RORA: variants seen among roughly 807,000 people sequenced by gnomAD.
The protein encoded by RORA is nuclear receptor ROR-alpha.
Under a neutral mutation model 69.5 loss-of-function variants are expected in RORA, and 7 were observed. The observed-to-expected ratio is 0.10, with a 90% CI of 0.06 to 0.19. The LOEUF is 0.19. RORA is among the 10% of genes least tolerant of loss of function. The pLI is 1.00. For synonymous variants in RORA, 261 were observed against 240.8 expected (o/e 1.08, Z -0.78); for missense variants, 457 against 663.0 (o/e 0.69, Z 3.41).
rs2073417094 is a variant in RORA at position 60,859,646 on chromosome 15, TC to T, written c.167-180961del. 4.7e-5 allele frequency among the ~76,000 whole-genome samples: 4 copies of T among 85,648 alleles called. No homozygotes were observed. The South Asian group carries it at 1.8e-3, about 38-fold the overall frequency. The allele number at this position is 85,648 out of a possible 152,430, so 56.2% of individuals were successfully genotyped here. On this transcript the variant is annotated intron_variant, in intron 1 of 10. Coordinates refer to ENST00000335670, the MANE Select transcript of RORA (RefSeq NM_134261.3). ...CCCGGGTTTTTTTTCTTTCTTTCTT[TC>T]TTTCTTTCTTTTTTTTTTTTTTTTA...
chr15:60,581,892 G>C lies in RORA; in HGVS notation c.197-50041C>G, dbSNP rs540588991. The stretch of plus-strand genomic sequence containing the variant: ...TATAAAATAAGATGGCATCACAAGA[G>C]ATACATTGTTTCTGCTTGCTAATAA... On this transcript the variant is annotated intron_variant, in intron 2 of 10. Coordinates refer to ENST00000335670, the MANE Select transcript of RORA (RefSeq NM_134261.3). 3.3e-5 allele frequency among the ~76,000 whole-genome samples: 5 copies of C among 152,280 alleles called. No individual in the cohort carries two copies. The East Asian group carries it at 9.6e-4, about 29-fold the overall frequency.
intron 2 of RORA, among the ~76,000 whole-genome samples, chr15:60,585,972 C>T (rs1030899013): frequency 1.3e-5 from 2 of 152,206 alleles, no homozygotes; most frequent in Non-Finnish European, 2.9e-5. Flanking sequence ...GTGCAAGTAA[C>T]CACTAGAGGG....
Position 60,497,613 on chromosome 15 carries a change from A to G in RORA, c.1414T>C (p.Cys472Arg), listed in dbSNP as rs758319679. 6.2e-7 allele frequency: 1 copy of G among 1,610,544 alleles called. No homozygotes were observed. The highest frequency in any genetic ancestry group is 8.5e-7 in the Non-Finnish European group (1 of 1,176,734). Residue 472 changes from cysteine (C) to arginine (R), a missense_variant, in exon 11 of 11, where the codon TGC (cysteine) becomes CGC (arginine). Cys to Arg is a radical substitution (Grantham distance 180). Transcript: ENST00000335670. ...REDGILTKLI[C>R]KVSTLRALCG... Reference sequence around the variant, plus strand: ...AAGGCTCTTAAGGTAGACACCTTGCATATTAACTGTAAGTGAAAGAAAGGA... The same window carrying G: ...AAGGCTCTTAAGGTAGACACCTTGCGTATTAACTGTAAGTGAAAGAAAGGA...
rs145613176 is a variant in RORA at position 61,127,700 on chromosome 15, C to A, written c.166+101353G>T. On this transcript the variant is annotated intron_variant, in intron 1 of 10. Transcript: ENST00000335670. ...GTTGATTTTCTTTAATTTGACAGAA[C>A]ATTTCAACAGCAGAACTCAGGCTTC... Among the ~76,000 whole-genome samples, 901 of 152,282 alleles carry A rather than the reference C, an allele frequency of 5.9e-3. 8 individuals carry two copies. The highest frequency in any genetic ancestry group is 0.021 in the African/African-American group (853 of 41,544).
chr15:60,946,706 G>C (rs536977890), intron 1 of RORA, among the ~76,000 whole-genome samples: 2 of 151,694 alleles, frequency 1.3e-5, no homozygotes. Context: ...TGGGAAGTGA[G>C]GAGCGTCTCT....
intron 1 of RORA, among the ~76,000 whole-genome samples, chr15:60,726,512 G>A (rs535610712): frequency 4.1e-4 from 63 of 152,312 alleles, no homozygotes; most frequent in African/African-American, 1.5e-3. Flanking sequence ...TCCAGCTTAC[G>A]TGAAAGCCAG....
chr15:60,975,219 C>T (rs1434182515), intron 1 of RORA, among the ~76,000 whole-genome samples: 1 of 152,052 alleles, frequency 6.6e-6, no homozygotes, highest in Non-Finnish European at 1.5e-5. Flanking sequence ...GGGAGCAAGT[C>T]GCCTGGGCAG....
chr15:61,034,142 T>G (rs187960123), intron 1 of RORA, among the ~76,000 whole-genome samples: 121 of 152,320 alleles, frequency 7.9e-4, no homozygotes, highest in African/African-American at 2.7e-3. Flanking sequence ...CTGTTAAAGT[T>G]CTGTATCATA....
intron 1 of RORA, among the ~76,000 whole-genome samples, chr15:60,999,806 C>T (rs779696909): frequency 6.6e-6 from 1 of 152,166 alleles, no homozygotes; most frequent in African/African-American, 2.4e-5. Context: ...AAAGTTGACC[C>T]CACCCGTTCT....
At chr15:60,838,710 A>ATT (rs2073152143) in intron 1 of RORA, among the ~76,000 whole-genome samples, 4 of 152,282 alleles carry the variant, frequency 2.6e-5, no homozygotes, top group Admixed American at 6.5e-5. Context: ...TCCAGGGCAC[A>ATT]TGGTTTAACC....
chr15:61,134,619 A>G (rs2079219910), intron 1 of RORA, among the ~76,000 whole-genome samples: 1 of 152,216 alleles, frequency 6.6e-6, no homozygotes, highest in Admixed American at 6.5e-5. Context: ...AAACTATGCA[A>G]TGGTCCAATG....
chr15:60,799,494 G>A (rs995532120), intron 1 of RORA, among the ~76,000 whole-genome samples: 3 of 152,068 alleles, frequency 2.0e-5, no homozygotes, highest in African/African-American at 7.2e-5. Context: ...GTTAGATGTT[G>A]ATACACATCC....
chr15:61,194,558 C>G (rs1409115429), intron 1 of RORA, among the ~76,000 whole-genome samples: 1 of 104,538 alleles, frequency 9.6e-6, no homozygotes, highest in Non-Finnish European at 2.2e-5. Flanking sequence ...AAAAAAAAAG[C>G]TGTAACACTT....
Position 61,168,210 on chromosome 15 carries a change from G to A in RORA, c.166+60843C>T, listed in dbSNP as rs188049131. ...TATACACATATATACACGCGCGTGC[G>A]TGCGTGCGTGTGTGTGTGTGTGTGT... On this transcript the variant is annotated intron_variant, in intron 1 of 10. Coordinates refer to ENST00000335670, the MANE Select transcript of RORA (RefSeq NM_134261.3). Among the ~76,000 whole-genome samples, 27 of 146,440 alleles carry A rather than the reference G, an allele frequency of 1.8e-4. 1 individual carries two copies. The highest frequency in any genetic ancestry group is 3.9e-4 in the East Asian group (2 of 5,152).
In RORA at chr15:61,080,807, G is replaced by A. The variant is rs114435240; in HGVS notation, c.166+148246C>T. On this transcript the variant is annotated intron_variant, in intron 1 of 10. Transcript: ENST00000335670. Reference sequence around the variant, plus strand: ...ATACCAACGACTGGCATAAATAAACGAGGAAAGAATTCAGGTCGGCCCAAT... The same window carrying A: ...ATACCAACGACTGGCATAAATAAACAAGGAAAGAATTCAGGTCGGCCCAAT... Among the ~76,000 whole-genome samples, 582 of 152,280 alleles carry A rather than the reference G, an allele frequency of 3.8e-3. 4 individuals are homozygous for A. The highest frequency in any genetic ancestry group is 0.013 in the African/African-American group (525 of 41,552).
chr15:60,801,994 C>T (rs904382058), intron 1 of RORA, among the ~76,000 whole-genome samples: 2 of 152,122 alleles, frequency 1.3e-5, no homozygotes, highest in Admixed American at 1.3e-4. Flanking sequence ...AAAATGATGG[C>T]TGAGAGAGGG....
At chr15:60,800,226 T>C (rs1567195770) in intron 1 of RORA, among the ~76,000 whole-genome samples, 1 of 152,188 alleles carries the variant, frequency 6.6e-6, no homozygotes, top group African/African-American at 2.4e-5. Flanking sequence ...AGCACACTAC[T>C]GATACAAATA....
chr15:60,899,583 G>C (rs1452359559), intron 1 of RORA, among the ~76,000 whole-genome samples: 1 of 152,214 alleles, frequency 6.6e-6, no homozygotes, highest in Admixed American at 6.5e-5. Flanking sequence ...TAGGTTGACA[G>C]ATATCTGATC....
chr15:60,555,086 G>T (rs1288527701), intron 2 of RORA, among the ~76,000 whole-genome samples: 1 of 152,116 alleles, frequency 6.6e-6, no homozygotes, highest in Non-Finnish European at 1.5e-5. Flanking sequence ...TCTTCAGCGT[G>T]CCCTACTTGC....
Sources: gnomAD v4.1 joint callset for allele counts (sites outside exome capture counted in the v4.1 genomes callset) on GRCh38, gnomAD v4.1.1 for gene constraint, MANE v1.5 for transcripts, NCBI Gene and HGNC (gene_info 2026-07-23, HGNC 2026-07-21) for gene names.